CCSER1: variants seen among roughly 807,000 people sequenced by gnomAD.
CCSER1 encodes the protein coiled-coil serine rich protein 1.
In CCSER1, 41 loss-of-function variants were observed where a neutral mutation model predicts 82.0. The ratio of observed to expected loss-of-function variants is 0.50; its 90% confidence interval spans 0.39 to 0.65. The LOEUF (loss-of-function observed/expected upper bound fraction) is 0.65, where lower values mean the gene tolerates loss of function less well. Among genes scored for constraint, CCSER1 ranks in the 30% least tolerant of loss-of-function variants. The probability of loss-of-function intolerance (pLI) is 0.00; values close to 1 mark genes in which losing one functional copy is unlikely to be tolerated. For synonymous variants in CCSER1, 414 were observed against 383.9 expected (o/e 1.08, Z -0.92); for missense variants, 1,119 against 1,064.2 (o/e 1.05, Z -0.72).
intron 10 of CCSER1, among the ~76,000 whole-genome samples, chr4:91,393,170 C>T (rs952378232): frequency 4.0e-5 from 6 of 151,770 alleles, no homozygotes; most frequent in East Asian, 3.9e-4. Flanking sequence ...TCTTCTGTCT[C>T]GGTACTGATA....
At chr4:90,517,981 T>C (rs1481313372) in intron 5 of CCSER1, among the ~76,000 whole-genome samples, 1 of 152,030 alleles carries the variant, frequency 6.6e-6, no homozygotes, top group Non-Finnish European at 1.5e-5. Context: ...CTTCCTAGAA[T>C]AGTGATAGAA....
chr4:90,476,014 C>A (rs1013132944), intron 5 of CCSER1, among the ~76,000 whole-genome samples: 5 of 143,938 alleles, frequency 3.5e-5, no homozygotes, highest in Admixed American at 2.2e-4. Flanking sequence ...ATTTTTCCTT[C>A]TTTTCTCGTG....
chr4:90,306,245 A>C (rs1304829270), intron 1 of CCSER1, among the ~76,000 whole-genome samples: 1 of 152,158 alleles, frequency 6.6e-6, no homozygotes, highest in African/African-American at 2.4e-5. Context: ...TTTCAGTTAG[A>C]CAGGAGAAAT....
chr4:90,156,792 A>G (rs1418909322), intron 1 of CCSER1, among the ~76,000 whole-genome samples: 1 of 152,132 alleles, frequency 6.6e-6, no homozygotes, highest in Non-Finnish European at 1.5e-5. Flanking sequence ...GGGTTTCCTG[A>G]ATACAGCACA....
At chr4:91,370,827 C>G (rs1366719355) in intron 10 of CCSER1, among the ~76,000 whole-genome samples, 2 of 152,038 alleles carry the variant, frequency 1.3e-5, no homozygotes, top group Non-Finnish European at 2.9e-5. Context: ...ATGCCCATCA[C>G]CTTAATTATC....
chr4:91,344,654 A>G (rs1477677222), intron 10 of CCSER1, among the ~76,000 whole-genome samples: 1 of 152,034 alleles, frequency 6.6e-6, no homozygotes, highest in Non-Finnish European at 1.5e-5. Context: ...AAGGAAAAAA[A>G]AAAAGGAATA....
intron 5 of CCSER1, among the ~76,000 whole-genome samples, chr4:90,578,696 A>T (rs1781054238): frequency 6.6e-6 from 1 of 152,190 alleles, no homozygotes; most frequent in African/African-American, 2.4e-5. Context: ...ATGTGGCAGC[A>T]TATTTACGAG....
chr4:90,518,729 T>C (rs1174597926), intron 5 of CCSER1, among the ~76,000 whole-genome samples: 3 of 151,966 alleles, frequency 2.0e-5, no homozygotes, highest in Non-Finnish European at 4.4e-5. Context: ...ACATTATAAT[T>C]TGCCATGTGA....
At chr4:91,055,045 T>C (rs1743325588) in intron 9 of CCSER1, among the ~76,000 whole-genome samples, 1 of 152,208 alleles carries the variant, frequency 6.6e-6, no homozygotes, top group Non-Finnish European at 1.5e-5. Flanking sequence ...ATATTTCTTA[T>C]AGCTTTTGTG....
chr4:90,477,082 T>A (rs905785047), intron 5 of CCSER1, among the ~76,000 whole-genome samples: 1 of 152,208 alleles, frequency 6.6e-6, no homozygotes, highest in Non-Finnish European at 1.5e-5. Flanking sequence ...CAATTCCCCG[T>A]GCTAACCTCA....
intron 8 of CCSER1, among the ~76,000 whole-genome samples, chr4:90,840,009 T>C (rs1015129017): frequency 6.6e-6 from 1 of 151,958 alleles, no homozygotes. Context: ...ATTATATAAA[T>C]ATAATCAAGT....
chr4:90,690,752 C>T (rs1253827233), intron 6 of CCSER1, among the ~76,000 whole-genome samples: 1 of 151,914 alleles, frequency 6.6e-6, no homozygotes, highest in South Asian at 2.1e-4. Context: ...TTTTTTATGT[C>T]TCTCTTTAAG....
intron 8 of CCSER1, among the ~76,000 whole-genome samples, chr4:90,869,108 C>T (rs1050217779): frequency 6.6e-6 from 1 of 151,694 alleles, no homozygotes; most frequent in Non-Finnish European, 1.5e-5. Context: ...GTTATTAATC[C>T]CTTGTCAGTT....
At chr4:90,992,997 C>G (rs1201737987) in intron 9 of CCSER1, among the ~76,000 whole-genome samples, 1 of 152,000 alleles carries the variant, frequency 6.6e-6, no homozygotes, top group African/African-American at 2.4e-5. Flanking sequence ...ATTGGAGCCA[C>G]TTTAAGTGTC....
intron 10 of CCSER1, among the ~76,000 whole-genome samples, chr4:91,309,821 G>A (rs577652084): frequency 2.0e-5 from 3 of 152,004 alleles, no homozygotes; most frequent in Non-Finnish European, 2.9e-5. Flanking sequence ...TTGGAAGAAT[G>A]ATACGTTAGT....
intron 10 of CCSER1, among the ~76,000 whole-genome samples, chr4:91,562,138 C>A (rs1356394678): frequency 2.0e-5 from 3 of 151,316 alleles, no homozygotes; most frequent in African/African-American, 7.3e-5. Context: ...TCACATTTTA[C>A]CAAAGTTATT....
At chr4:91,463,233 T>C (rs1030745451) in intron 10 of CCSER1, among the ~76,000 whole-genome samples, 5 of 152,208 alleles carry the variant, frequency 3.3e-5, no homozygotes, top group African/African-American at 9.6e-5. Flanking sequence ...CCGCTGCTGA[T>C]ACCCAGGCAA....
intron 10 of CCSER1, among the ~76,000 whole-genome samples, chr4:91,331,512 C>T (rs1324212212): frequency 6.6e-6 from 1 of 152,086 alleles, no homozygotes; most frequent in African/African-American, 2.4e-5. Context: ...TGACGCTTGC[C>T]TGCTTCAAGA....
At chr4:90,407,608 A>G (rs1753924167) in intron 4 of CCSER1, among the ~76,000 whole-genome samples, 1 of 152,218 alleles carries the variant, frequency 6.6e-6, no homozygotes, top group Non-Finnish European at 1.5e-5. Flanking sequence ...TCAGAAAAAT[A>G]CTAGCAAACT....
Sources: allele counts gnomAD v4.1 joint callset (sites outside exome capture counted in the v4.1 genomes callset), GRCh38; gene constraint gnomAD v4.1.1; transcripts MANE v1.5; gene names NCBI Gene and HGNC (gene_info 2026-07-23, HGNC 2026-07-21).